FOXO3B: variants seen among roughly 807,000 people sequenced by gnomAD.
FOXO3B encodes forkhead box O3B, also known as forkhead box protein O3B.
In FOXO3B, 15 loss-of-function variants were observed where a neutral mutation model predicts 21.9. That is an observed-to-expected ratio of 0.68 (90% confidence interval 0.46 to 1.05). The LOEUF is 1.05. Among genes scored for constraint, FOXO3B ranks in the 50% least tolerant of loss-of-function variants. The pLI is 0.00. For synonymous variants in FOXO3B, 135 were observed against 213.6 expected (o/e 0.63, Z 3.21); for missense variants, 293 against 435.5 (o/e 0.67, Z 2.91).
intron 3 of FOXO3B, chr17:18,677,544 A>C: frequency 6.2e-6 from 10 of 1,609,462 alleles, no homozygotes; most frequent in Non-Finnish European, 7.6e-6. Context: ...CCGTCTGCTC[A>C]CAGAGATCCA....
intron 3 of FOXO3B, among the ~76,000 whole-genome samples, chr17:18,674,469 C>T (rs2032444128): frequency 6.7e-6 from 1 of 148,980 alleles, no homozygotes; most frequent in South Asian, 2.1e-4. Flanking sequence ...ACTAAAAATA[C>T]AAAAAAATTA....
Position 18,668,659 on chromosome 17 carries a change from T to G in FOXO3B, c.*3650A>C, listed in dbSNP as rs149050845. ...AGGACAGAAGTTCTCAGGACCCTCA[T>G]GCTGGAAGCACTCTAGAATTCTCCT... On this transcript the variant is annotated 3_prime_UTR_variant, in exon 4 of 4. Transcript: ENST00000395675. 1.4e-3 allele frequency: 210 copies of G among 152,384 alleles called. 2 individuals carry two copies. The highest frequency in any genetic ancestry group is 4.7e-3 in the African/African-American group (196 of 41,560). 9.4% of individuals were successfully genotyped at this position (152,384 alleles called of 1,614,324 possible). A position where few individuals can be genotyped will look rare whatever the true frequency, so the allele number is the denominator to read the frequency against.
intron 3 of FOXO3B, among the ~76,000 whole-genome samples, chr17:18,677,911 CA>C (rs57669387): frequency 0.078 from 7,195 of 92,786 alleles, 132 homozygotes; most frequent in South Asian, 0.14. Context: ...GTTGGAAAAG[CA>C]AAAAAAAAAA....
chr17:18,680,683 A>G, intron 3 of FOXO3B, 58 bp downstream of exon 3: 1 of 1,496,262 alleles, frequency 6.7e-7, no homozygotes, highest in Non-Finnish European at 9.2e-7. Context: ...CAAAGAAGGG[A>G]GTGCATCTGT....
At chr17:18,679,699 T>C (rs1002719216) in intron 3 of FOXO3B, among the ~76,000 whole-genome samples, 9 of 152,056 alleles carry the variant, frequency 5.9e-5, no homozygotes, top group South Asian at 2.1e-4. Flanking sequence ...CTGCCCGCCT[T>C]AGCCTCTCAA....
At chr17:18,675,402 T>C (rs1286899839) in intron 3 of FOXO3B, among the ~76,000 whole-genome samples, 1 of 150,678 alleles carries the variant, frequency 6.6e-6, no homozygotes, top group Non-Finnish European at 1.5e-5. Flanking sequence ...CAGATCACTA[T>C]GAAAACTGCA....
Position 18,671,205 on chromosome 17 carries a change from G to C in FOXO3B, c.*1104C>G. 2.1e-6 allele frequency: 2 copies of C among 970,564 alleles called. No individual in the cohort carries two copies. The highest frequency in any genetic ancestry group is 3.3e-6 in the Non-Finnish European group (2 of 602,662). 60.1% of individuals were successfully genotyped at this position (970,564 alleles called of 1,614,324 possible). On this transcript the variant is annotated 3_prime_UTR_variant, in exon 4 of 4. Coordinates refer to ENST00000395675, the MANE Select transcript of FOXO3B (RefSeq NM_001368135.1). ...GGTTTGCATAGACTGGCTGACAGGAGACTGCTGCTGGTGTTTGGCTGACCC... is the reference window on the plus strand; with the variant it reads ...GGTTTGCATAGACTGGCTGACAGGACACTGCTGCTGGTGTTTGGCTGACCC...
Position 18,672,361 on chromosome 17 carries a change from C to A in FOXO3B, c.821G>T (p.Ser274Ile). The change falls in exon 4 of 4, where the codon AGT becomes ATT. Residue 274 changes from serine to isoleucine, a missense_variant. By Grantham distance (142) the Ser-to-Ile change is moderately radical. Around this residue, in one of 2 missense-constraint regions of FOXO3B, gnomAD observed 42 missense variants for 31.5 expected, o/e 1.33. Coordinates refer to ENST00000395675, the MANE Select transcript of FOXO3B (RefSeq NM_001368135.1). The surrounding 1 kb of genome is among the most constrained non-coding windows in gnomAD (Gnocchi z 4.2). ...TLSQIYEWMV[S>I]CVPYFKDKGN... ...CTTATCCTTGAAGTAGGGCACGCAA[C>A]TCACCATCCACTCGTAGATCTGGGA... 6.2e-7 allele frequency: 1 copy of A among 1,611,766 alleles called. No homozygotes were observed. Among genetic ancestry groups the A allele is most frequent in the Non-Finnish European group, 8.5e-7 (1 of 1,178,894 alleles).
chr17:18,672,081 G>A lies in FOXO3B; in HGVS notation c.*228C>T, dbSNP rs770828740. 6.2e-7 allele frequency: 1 copy of A among 1,610,288 alleles called. No homozygotes were observed. The highest frequency in any genetic ancestry group is 8.5e-7 in the Non-Finnish European group (1 of 1,178,084). On this transcript the variant is annotated 3_prime_UTR_variant, in exon 4 of 4. Coordinates refer to ENST00000395675, the MANE Select transcript of FOXO3B (RefSeq NM_001368135.1). The surrounding 1 kb of genome is among the most constrained non-coding windows in gnomAD (Gnocchi z 4.2). ...ACTTGGAGAGCTGGGAGGGACTGTC[G>A]TCAGCTGATTCGGGGGCTGTCTGCA...
At chr17:18,677,345 C>T in intron 3 of FOXO3B, 6 of 1,613,376 alleles carry the variant, frequency 3.7e-6, no homozygotes, top group South Asian at 1.1e-5. Flanking sequence ...AGATCTTCCA[C>T]CCGAACTTGG....
intron 3 of FOXO3B, among the ~76,000 whole-genome samples, chr17:18,674,440 A>G (rs1280473274): frequency 2.7e-5 from 4 of 148,090 alleles, no homozygotes; most frequent in Non-Finnish European, 4.5e-5. Flanking sequence ...CCTGGCTAAC[A>G]CGGTGAAACC....
Position 18,670,889 on chromosome 17 carries a change from T to G in FOXO3B, c.*1420A>C. The G allele has an allele frequency of 6.3e-7, 1 of 1,580,396 alleles. No individual in the cohort carries two copies. Among genetic ancestry groups the G allele is most frequent in the Non-Finnish European group, 8.6e-7 (1 of 1,162,590 alleles). On this transcript the variant is annotated 3_prime_UTR_variant, in exon 4 of 4. Coordinates refer to ENST00000395675, the MANE Select transcript of FOXO3B (RefSeq NM_001368135.1). Reference sequence around the variant, plus strand: ...GAGGGTCTGCTTTGCCCACTTCCCCTTCCTCAGTGATCCTTCAGCCTGGCA... The same window carrying G: ...GAGGGTCTGCTTTGCCCACTTCCCCGTCCTCAGTGATCCTTCAGCCTGGCA...
In FOXO3B at chr17:18,672,671, G is replaced by A. The variant is rs569053671; in HGVS notation, c.511C>T (p.Arg171Cys). Reference sequence around the variant, plus strand: ...AGGAGCAGCCCGGAGACCAGCGTGCGGCTCCCGCCGCCGCCGCCGATCGCC... The same window carrying A: ...AGGAGCAGCCCGGAGACCAGCGTGCAGCTCCCGCCGCCGCCGCCGATCGCC... ...AMAIGGGGGS[R>C]TLVSGLLLED... Residue 171 changes from arginine (R) to cysteine (C), a missense_variant, in exon 4 of 4, where the codon CGC (arginine) becomes TGC (cysteine). Physicochemically the swap from Arg to Cys is radical, Grantham distance 180. Transcript: ENST00000395675. The surrounding 1 kb of genome is among the most constrained non-coding windows in gnomAD (Gnocchi z 4.2). 1.3e-6 allele frequency: 2 copies of A among 1,516,602 alleles called. No individual in the cohort carries two copies. The allele number at this position is 1,516,602 out of a possible 1,614,324, so 93.9% of individuals were successfully genotyped here. A position where few individuals can be genotyped will look rare whatever the true frequency, so the allele number is the denominator to read the frequency against.
intron 3 of FOXO3B, among the ~76,000 whole-genome samples, chr17:18,674,384 G>A (rs2032439743): frequency 6.6e-6 from 1 of 150,552 alleles, no homozygotes; most frequent in African/African-American, 2.4e-5. Context: ...CCAGCACTTT[G>A]GGAGGCCAAG....
chr17:18,677,788 C>G (rs967118899), intron 3 of FOXO3B: 1 of 1,387,316 alleles, frequency 7.2e-7, no homozygotes, highest in Non-Finnish European at 1.0e-6. Context: ...CCACCGTGAC[C>G]CCAACCTCTC....
At chr17:18,674,421 C>T (rs9910324) in intron 3 of FOXO3B, among the ~76,000 whole-genome samples, 67,798 of 136,460 alleles carry the variant, frequency 0.5, 17,401 homozygotes, top group Middle Eastern at 0.55. Flanking sequence ...GTCAGGAGAT[C>T]GAGATCATCC....
chr17:18,674,871 A>G (rs2032455100), intron 3 of FOXO3B, among the ~76,000 whole-genome samples: 1 of 152,162 alleles, frequency 6.6e-6, no homozygotes, highest in East Asian at 1.9e-4. Flanking sequence ...ATGTCCCACA[A>G]AGCGTAATTA....
chr17:18,680,771 C>A lies in FOXO3B; in HGVS notation c.96G>T (p.Val32=), dbSNP rs779433459. The change falls in exon 3 of 4, where the codon GTG becomes GTT. Residue 32 remains valine, a synonymous_variant. Coordinates refer to ENST00000395675, the MANE Select transcript of FOXO3B (RefSeq NM_001368135.1). ...FQEKSTEEGE[V]AALRLTARSQ... ...ATCTGGCCGTGAGGCGCAGAGCAGC[C>A]ACTTCTCCCTCTTCTGTGCTCTTCT... 7.4e-6 allele frequency: 12 copies of A among 1,613,714 alleles called. No homozygotes were observed. In the East Asian group the frequency reaches 2.4e-4, roughly 33 times the overall value.
chr17:18,672,522 C>G lies in FOXO3B; in HGVS notation c.660G>C (p.Pro220=), dbSNP rs1424185684. The change falls in exon 4 of 4, where the codon CCG becomes CCC. Residue 220 remains proline, a synonymous_variant. Coordinates refer to ENST00000395675, the MANE Select transcript of FOXO3B (RefSeq NM_001368135.1). This position sits in a 1 kb window ranked among gnomAD's most constrained non-coding sequence, Gnocchi z 4.2. ...ALLQPQQPLP[P]PQPGAAGGSG... ...AGCCCCCAGCCGCCCCCGGCTGCGG[C>G]GGTGGCAGCGGTTGCTGAGGCTGCA... The G allele has an allele frequency of 8.0e-6, 12 of 1,499,202 alleles. No homozygotes were observed. The highest frequency in any genetic ancestry group is 1.4e-5 in the African/African-American group (1 of 69,898). The allele number at this position is 1,499,202 out of a possible 1,614,324, so 92.9% of individuals were successfully genotyped here. A position where few individuals can be genotyped will look rare whatever the true frequency, so the allele number is the denominator to read the frequency against.
Sources: allele counts gnomAD v4.1 joint callset (sites outside exome capture counted in the v4.1 genomes callset), GRCh38; gene constraint gnomAD v4.1.1; regional missense constraint gnomAD v4.1.1; non-coding constraint Gnocchi (gnomAD v3.1); transcripts MANE v1.5; gene names NCBI Gene and HGNC (gene_info 2026-07-23, HGNC 2026-07-21).